The following LRMDA variants were observed in gnomAD, a reference collection of about 807,000 sequenced individuals.
LRMDA encodes leucine rich melanocyte differentiation associated.
A neutral mutation model predicts 29.8 loss-of-function variants in LRMDA; 18 were observed. The observed-to-expected ratio is 0.60, with a 90% CI of 0.42 to 0.90. LRMDA has a LOEUF of 0.90. Ranked by LOEUF, LRMDA falls within the 40% of genes least tolerant of loss-of-function variation. The pLI is 0.00. For missense variants in LRMDA, 273 were observed against 273.9 expected (o/e 1.00, Z 0.02); for synonymous variants, 125 against 109.4 (o/e 1.14, Z -0.89).
At chr10:75,864,438 G>C (rs1844986581) in intron 2 of LRMDA, among the ~76,000 whole-genome samples, 1 of 152,090 alleles carries the variant, frequency 6.6e-6, no homozygotes, top group East Asian at 1.9e-4. Flanking sequence ...GGAACCTCAG[G>C]CTCCCTGGAT....
intron 2 of LRMDA, among the ~76,000 whole-genome samples, chr10:75,758,446 C>T (rs1181946166): frequency 6.6e-6 from 1 of 152,232 alleles, no homozygotes; most frequent in Non-Finnish European, 1.5e-5. Context: ...TATCCCTCAG[C>T]CCCGGCTGGG....
At chr10:76,328,959 T>A (rs1840870454) in intron 6 of LRMDA, among the ~76,000 whole-genome samples, 1 of 152,270 alleles carries the variant, frequency 6.6e-6, no homozygotes, top group South Asian at 2.1e-4. Context: ...ACTGAACCAG[T>A]GATTCTCAGG....
chr10:75,653,793 A>G (rs1381069346), intron 2 of LRMDA, among the ~76,000 whole-genome samples: 1 of 152,200 alleles, frequency 6.6e-6, no homozygotes, highest in African/African-American at 2.4e-5. Context: ...ACTCCTTGAA[A>G]CTTGAGCCCA....
intron 2 of LRMDA, among the ~76,000 whole-genome samples, chr10:75,448,422 T>G (rs1251741745): frequency 6.6e-6 from 1 of 152,204 alleles, no homozygotes; most frequent in Non-Finnish European, 1.5e-5. Flanking sequence ...TGAGTGGTGC[T>G]GCCTTCCACA....
chr10:76,141,005 C>G (rs1326411228), intron 5 of LRMDA, among the ~76,000 whole-genome samples: 4 of 152,098 alleles, frequency 2.6e-5, no homozygotes, highest in Non-Finnish European at 5.9e-5. Context: ...ATCTCCCTCT[C>G]CCCTAAGAAG....
chr10:75,652,610 C>A (rs1414948069), intron 2 of LRMDA, among the ~76,000 whole-genome samples: 1 of 152,188 alleles, frequency 6.6e-6, no homozygotes, highest in African/African-American at 2.4e-5. Flanking sequence ...CTAGAACTGA[C>A]TTTCTCATAA....
At chr10:75,893,903 A>G (rs1769210434) in intron 2 of LRMDA, among the ~76,000 whole-genome samples, 1 of 149,988 alleles carries the variant, frequency 6.7e-6, no homozygotes, top group Non-Finnish European at 1.5e-5. Flanking sequence ...ACTGCACTCC[A>G]GCCTGGGTGA....
Position 75,788,711 on chromosome 10 carries a change from A to C in LRMDA, c.132-247297A>C, listed in dbSNP as rs567030389. ...AGACACAGCTGTTCCTGGCTGTAGG[A>C]CAGGCGAGGAAATGTAATTTTTAAC... On this transcript the variant is annotated intron_variant, in intron 2 of 6. Transcript: ENST00000611255. 6.9e-4 allele frequency among the ~76,000 whole-genome samples: 105 copies of C among 152,376 alleles called. 1 individual carries two copies. The highest frequency in any genetic ancestry group is 1.4e-3 in the Non-Finnish European group (94 of 68,044).
intron 5 of LRMDA, among the ~76,000 whole-genome samples, chr10:76,069,812 T>G (rs1848847097): frequency 6.6e-6 from 1 of 152,166 alleles, no homozygotes; most frequent in Non-Finnish European, 1.5e-5. Context: ...TCCACAGCCT[T>G]TACTTTTGTT....
intron 2 of LRMDA, among the ~76,000 whole-genome samples, chr10:75,477,014 A>G (rs1233761443): frequency 3.4e-5 from 5 of 148,486 alleles, no homozygotes; most frequent in Admixed American, 3.4e-4. Context: ...TTTTGGAGGC[A>G]TGATCTCCTT....
chr10:75,925,334 C>T (rs1269696603), intron 2 of LRMDA, among the ~76,000 whole-genome samples: 1 of 152,060 alleles, frequency 6.6e-6, no homozygotes, highest in Non-Finnish European at 1.5e-5. Context: ...ATTTTTATAT[C>T]AGGCCTCGGA....
intron 6 of LRMDA, among the ~76,000 whole-genome samples, chr10:76,374,666 GA>G (rs1178219397): frequency 6.6e-6 from 1 of 152,168 alleles, no homozygotes; most frequent in Non-Finnish European, 1.5e-5. Flanking sequence ...ATTGCTTTCT[GA>G]AACTGATTAA....
intron 5 of LRMDA, among the ~76,000 whole-genome samples, chr10:76,309,049 T>C (rs1002891756): frequency 3.3e-4 from 50 of 152,192 alleles, no homozygotes; most frequent in African/African-American, 1.2e-3. Flanking sequence ...ACAGCTGGGA[T>C]TTAAATTTGC....
intron 6 of LRMDA, among the ~76,000 whole-genome samples, chr10:76,342,215 C>T (rs1222247771): frequency 6.6e-6 from 1 of 152,080 alleles, no homozygotes; most frequent in African/African-American, 2.4e-5. Context: ...CAGAAATTTT[C>T]TAGTACTCTT....
At chr10:76,506,511 C>A (rs574915320) in intron 6 of LRMDA, among the ~76,000 whole-genome samples, 1 of 152,026 alleles carries the variant, frequency 6.6e-6, no homozygotes. Flanking sequence ...TCTTTTCATA[C>A]ATTTTTTCAC....
In LRMDA at chr10:76,500,360, T is replaced by C. The variant is rs1157851761; in HGVS notation, c.602-56849T>C. On this transcript the variant is annotated intron_variant, in intron 6 of 6. Transcript: ENST00000611255. ...ATTTATATTCTCTTTTAAACCAGCA[T>C]TATATCATGACCATTTTCCATGCAT... Among the ~76,000 whole-genome samples, 3 of 75,714 alleles carry C rather than the reference T, an allele frequency of 4.0e-5. 1 individual carries two copies. Among genetic ancestry groups the C allele is most frequent in the Non-Finnish European group, 1.3e-4 (3 of 22,804 alleles). The allele number at this position is 75,714 out of a possible 152,430, so 49.7% of individuals were successfully genotyped here.
chr10:76,479,785 A>AT (rs1344980921), intron 6 of LRMDA, among the ~76,000 whole-genome samples: 1 of 151,548 alleles, frequency 6.6e-6, no homozygotes, highest in Non-Finnish European at 1.5e-5. Context: ...TTAGTTCCTC[A>AT]TTTTTTTTCC....
intron 6 of LRMDA, among the ~76,000 whole-genome samples, chr10:76,361,527 A>G (rs1449928946): frequency 6.6e-6 from 1 of 152,078 alleles, no homozygotes; most frequent in Non-Finnish European, 1.5e-5. Flanking sequence ...CAGGATTGTG[A>G]TGGATGGGGT....
At chr10:76,421,840 A>G (rs1256816451) in intron 6 of LRMDA, among the ~76,000 whole-genome samples, 8 of 152,166 alleles carry the variant, frequency 5.3e-5, no homozygotes, top group South Asian at 2.1e-4. Flanking sequence ...GTCTCTTCGT[A>G]TGCCACATGA....
Sources: allele counts gnomAD v4.1 joint callset (sites outside exome capture counted in the v4.1 genomes callset), GRCh38; gene constraint gnomAD v4.1.1; transcripts MANE v1.5; gene names NCBI Gene and HGNC (gene_info 2026-07-23, HGNC 2026-07-21).